CCDC18: variants seen among roughly 807,000 people sequenced by gnomAD.
CCDC18 encodes the protein coiled-coil domain containing 18, also known as coiled-coil domain-containing protein 18.
CCDC18 carries 157 observed loss-of-function variants against 196.0 expected under a neutral mutation model. The ratio of observed to expected loss-of-function variants is 0.80; its 90% confidence interval spans 0.70 to 0.91. CCDC18 has a LOEUF of 0.91. Ranked by LOEUF, CCDC18 falls within the 40% of genes least tolerant of loss-of-function variation. CCDC18 has a pLI of 0.00. For synonymous variants in CCDC18, 482 were observed against 529.2 expected (o/e 0.91, Z 1.22); for missense variants, 1,465 against 1,611.6 (o/e 0.91, Z 1.56).
intron 17 of CCDC18, among the ~76,000 whole-genome samples, chr1:93,227,189 T>G (rs1658491745): frequency 6.8e-6 from 1 of 147,252 alleles, no homozygotes. Context: ...TTTTTTTTTT[T>G]TTTTTTTGAG....
chr1:93,264,034 G>A (rs1664169425), intron 26 of CCDC18, among the ~76,000 whole-genome samples: 1 of 152,072 alleles, frequency 6.6e-6, no homozygotes, highest in Non-Finnish European at 1.5e-5. Context: ...ACATGGCTTG[G>A]GAGGCCTCAG....
intron 21 of CCDC18, among the ~76,000 whole-genome samples, chr1:93,240,378 C>T (rs1203750012): frequency 6.6e-6 from 1 of 152,128 alleles, no homozygotes; most frequent in Admixed American, 6.6e-5. Flanking sequence ...GGGAGTTAAA[C>T]ACAAGTCTGT....
rs562577225 is a variant in CCDC18, at chr1:93,207,384, A to C, written c.1195A>C (p.Ile399Leu). ...RVELRSLEKI[I>L]SQLPLKRELF... ...AGAACTAAGAAGTTTGGAAAAGATT[A>C]TATCCCAGTTGCCAGTAAGTATGTG... The change falls in exon 9 of 29, where the codon ATA becomes CTA. Residue 399 changes from isoleucine to leucine, a missense_variant. Physicochemically the swap from Ile to Leu is conservative, Grantham distance 5. Transcript: ENST00000690025. 1 of 1,593,666 alleles carries C rather than the reference A, an allele frequency of 6.3e-7. No individual in the cohort carries two copies. The highest frequency in any genetic ancestry group is 2.3e-5 in the East Asian group (1 of 44,402).
chr1:93,245,854 G>T (rs1175425202), intron 21 of CCDC18, among the ~76,000 whole-genome samples: 2 of 152,042 alleles, frequency 1.3e-5, no homozygotes, highest in Non-Finnish European at 2.9e-5. Flanking sequence ...TTAGCAATTA[G>T]CTTAAATTAT....
chr1:93,227,296 C>A (rs960264104), intron 17 of CCDC18, among the ~76,000 whole-genome samples: 4 of 147,098 alleles, frequency 2.7e-5, no homozygotes, highest in Admixed American at 6.9e-5. Context: ...GTAGCTGGGA[C>A]TATAGGCGCA....
upstream of CCDC18, chr1:93,180,498 G>A (rs769036982): frequency 3.3e-6 from 5 of 1,530,088 alleles, no homozygotes; most frequent in East Asian, 2.6e-5. Context: ...CGTGAGCGCC[G>A]CCCGCCTCTC....
At position 93,205,496 on chromosome 1, in the gene CCDC18, A is replaced by G; in HGVS notation, c.796-14A>G. 2 of 1,569,006 alleles carry G rather than the reference A, an allele frequency of 1.3e-6. No individual in the cohort carries two copies. Among genetic ancestry groups the G allele is most frequent in the Non-Finnish European group, 1.7e-6 (2 of 1,160,716 alleles). On this transcript the variant is annotated splice_polypyrimidine_tract_variant and intron_variant, in intron 7 of 28. Coordinates refer to ENST00000690025, the MANE Select transcript of CCDC18 (RefSeq NM_001378204.1). ...ACAACCACATTAGTATGTCCACTTA[A>G]ATTATTGTTTTAGGTTCAAGCTGAA...
At chr1:93,265,084 G>C (rs528787131) in intron 27 of CCDC18, 183 bp downstream of exon 27, 18 of 519,024 alleles carry the variant, frequency 3.5e-5, no homozygotes, top group Non-Finnish European at 6.3e-5. Context: ...TCTTATTACC[G>C]TAGAAGATAT....
rs1031410663 is a variant in CCDC18 at position 93,278,470 on chromosome 1, A to C, written c.4361A>C (p.Asn1454Thr). Residue 1454 changes from asparagine to threonine, a missense_variant, in exon 29 of 29, where the codon AAT (asparagine) becomes ACT (threonine). Physicochemically the swap from Asn to Thr is moderately conservative, Grantham distance 65. Transcript: ENST00000690025. The part of the protein sequence containing the change: ...QTGAGLNQGE[N>T]V Reference sequence around the variant, plus strand: ...TATTTTGCATTATTCTAGGGAGAAAATGTGTAATTCAAAGAAGATACTGAT... The same window carrying C: ...TATTTTGCATTATTCTAGGGAGAAACTGTGTAATTCAAAGAAGATACTGAT... 4.7e-6 allele frequency: 6 copies of C among 1,276,820 alleles called. No individual in the cohort carries two copies. Among genetic ancestry groups the C allele is most frequent in the Non-Finnish European group, 6.4e-6 (6 of 940,100 alleles). The allele number at this position is 1,276,820 out of a possible 1,614,324, so 79.1% of individuals were successfully genotyped here.
intron 1 of CCDC18, among the ~76,000 whole-genome samples, chr1:93,181,675 G>T (rs963448660): frequency 2.0e-5 from 3 of 152,014 alleles, no homozygotes; most frequent in African/African-American, 7.3e-5. Flanking sequence ...GAGTGCAGTG[G>T]CGCGATCTCG....
intron 27 of CCDC18, 157 bp downstream of exon 27, chr1:93,265,058 A>T (rs1016394664): frequency 6.5e-5 from 38 of 582,164 alleles, no homozygotes; most frequent in Admixed American, 9.5e-5. Flanking sequence ...TTAGGAAATT[A>T]TTAAGATGAT....
At chr1:93,230,356 G>C (rs1052829812) in intron 17 of CCDC18, among the ~76,000 whole-genome samples, 7 of 151,700 alleles carry the variant, frequency 4.6e-5, no homozygotes, top group African/African-American at 1.7e-4. Context: ...GCCGGGCGTG[G>C]TGGTGGGCGC....
chr1:93,193,348 T>A (rs1163253571), intron 5 of CCDC18, among the ~76,000 whole-genome samples: 1 of 152,202 alleles, frequency 6.6e-6, no homozygotes, highest in Non-Finnish European at 1.5e-5. Flanking sequence ...GTTTCTGAAC[T>A]ATACAGGAAT....
At chr1:93,200,643 G>A (rs555118732) in intron 6 of CCDC18, among the ~76,000 whole-genome samples, 27 of 152,200 alleles carry the variant, frequency 1.8e-4, no homozygotes, top group Non-Finnish European at 1.0e-4. Context: ...GGACACATAA[G>A]GACCTCAACT....
intron 4 of CCDC18, among the ~76,000 whole-genome samples, chr1:93,188,034 T>G (rs1021719609): frequency 6.6e-6 from 1 of 152,214 alleles, no homozygotes; most frequent in African/African-American, 2.4e-5. Flanking sequence ...AAAGATAATT[T>G]AATAACTACG....
In CCDC18 at chr1:93,184,586, G is replaced by C. The variant is rs1650301667; in HGVS notation, c.303+440G>C. On this transcript the variant is annotated intron_variant, in intron 3 of 28. Transcript: ENST00000690025. The stretch of plus-strand genomic sequence containing the variant: ...TATCTATTTTGTCAATGATGTTAGA[G>C]ATCTTTGCTTGGTCTGAAACTCTCT... Among the ~76,000 whole-genome samples the C allele has an allele frequency of 2.1e-5, 3 of 143,716 alleles. 1 individual carries two copies. In the South Asian group the frequency reaches 7.2e-4, roughly 34 times the overall value. 94.3% of individuals were successfully genotyped at this position (143,716 alleles called of 152,430 possible). A position where few individuals can be genotyped will look rare whatever the true frequency, so the allele number is the denominator to read the frequency against.
intron 24 of CCDC18, 79 bp from the exon 25 acceptor site, chr1:93,256,256 G>A (rs780263687): frequency 1.3e-5 from 17 of 1,282,868 alleles, no homozygotes; most frequent in African/African-American, 6.0e-5. Flanking sequence ...GGAAATTTAC[G>A]TATTAAGCAA....
intron 28 of CCDC18, among the ~76,000 whole-genome samples, chr1:93,273,098 T>C (rs1001846946): frequency 2.0e-5 from 3 of 152,090 alleles, no homozygotes; most frequent in African/African-American, 7.2e-5. Flanking sequence ...AGACGGAGTC[T>C]GGCTGTGTTG....
Position 93,214,467 on chromosome 1 carries a change from G to A in CCDC18, c.1496-276G>A, listed in dbSNP as rs568791895. 2.6e-5 allele frequency among the ~76,000 whole-genome samples: 4 copies of A among 152,210 alleles called. No homozygotes were observed. The East Asian group carries it at 7.7e-4, about 29-fold the overall frequency. On this transcript the variant is annotated intron_variant, in intron 11 of 28. Transcript: ENST00000690025. The stretch of plus-strand genomic sequence containing the variant: ...TCTATTAAAAAATGGAATTTAAAAG[G>A]TGGAGAAGGATTCTTACATTTCTGG...
Sources: allele counts gnomAD v4.1 joint callset (sites outside exome capture counted in the v4.1 genomes callset), GRCh38; gene constraint gnomAD v4.1.1; transcripts MANE v1.5; gene names NCBI Gene and HGNC (gene_info 2026-07-23, HGNC 2026-07-21).